Variants in GLIPR2 observed in about 807,000 individuals in gnomAD.
GLIPR2 encodes the protein Golgi-associated plant pathogenesis-related protein 1.
A neutral mutation model predicts 20.4 loss-of-function variants in GLIPR2; 21 were observed. The observed-to-expected ratio is 1.03, with a 90% CI of 0.73 to 1.48. The LOEUF is 1.48. Ranked by LOEUF, GLIPR2 falls within the 40% of genes most tolerant of loss-of-function variation. The pLI is 0.00. For synonymous variants in GLIPR2, 91 were observed against 80.5 expected (o/e 1.13, Z -0.70); for missense variants, 205 against 200.1 (o/e 1.02, Z -0.15).
At chr9:36,140,298 C>T (rs1031099117) in intron 1 of GLIPR2, among the ~76,000 whole-genome samples, 2 of 152,166 alleles carry the variant, frequency 1.3e-5, no homozygotes, top group African/African-American at 4.8e-5. Context: ...TAGGGACCAA[C>T]GAGCCCAGGA....
rs1213480785 is a variant in GLIPR2, at chr9:36,136,917, CG to C, written c.13+127del. ...GGGAGCCCGGGGTGCGGGTGGAGGG[CG>C]CGCGGGCGGAGCGCCCCGGCGCGGT... On this transcript the variant is annotated intron_variant, in intron 1 of 4. Coordinates refer to ENST00000377960, the MANE Select transcript of GLIPR2 (RefSeq NM_022343.4). The surrounding 1 kb of genome is among the most constrained non-coding windows in gnomAD (Gnocchi z 4.3). 5.3e-6 allele frequency: 6 copies of C among 1,123,806 alleles called. No individual in the cohort carries two copies. The African/African-American group carries it at 9.7e-5, about 18-fold the overall frequency. 69.6% of individuals were successfully genotyped at this position (1,123,806 alleles called of 1,614,324 possible).
At chr9:36,147,441 C>T (rs989696103) in intron 1 of GLIPR2, among the ~76,000 whole-genome samples, 2 of 152,250 alleles carry the variant, frequency 1.3e-5, no homozygotes, top group East Asian at 3.9e-4. Flanking sequence ...GCATCCTCCA[C>T]TCAGCAGCCA....
chr9:36,142,478 GATC>G (rs1400211747), intron 1 of GLIPR2, among the ~76,000 whole-genome samples: 3 of 152,302 alleles, frequency 2.0e-5, no homozygotes, highest in African/African-American at 7.2e-5. Flanking sequence ...CGAGAAATAA[GATC>G]ATGCGTAGGC....
At chr9:36,150,343 A>C (rs1051225573) in intron 3 of GLIPR2, among the ~76,000 whole-genome samples, 1 of 152,164 alleles carries the variant, frequency 6.6e-6, no homozygotes, top group African/African-American at 2.4e-5. Context: ...ACGCCTGCCC[A>C]TATCAACACG....
chr9:36,160,368 C>T (rs1826004279), intron 4 of GLIPR2, among the ~76,000 whole-genome samples: 1 of 152,174 alleles, frequency 6.6e-6, no homozygotes, highest in Non-Finnish European at 1.5e-5. Flanking sequence ...CGGCATGTGC[C>T]TGTGGTCCCA....
At chr9:36,137,829 A>T (rs1382732784) in intron 1 of GLIPR2, among the ~76,000 whole-genome samples, 1 of 152,240 alleles carries the variant, frequency 6.6e-6, no homozygotes, top group African/African-American at 2.4e-5. Flanking sequence ...GGTCCCTTCT[A>T]GGATCTGTCC....
chr9:36,141,322 G>A (rs971122569), intron 1 of GLIPR2, among the ~76,000 whole-genome samples: 1 of 152,112 alleles, frequency 6.6e-6, no homozygotes, highest in South Asian at 2.1e-4. Flanking sequence ...TAAAGAGCAG[G>A]AGTTACCCAG....
intron 1 of GLIPR2, chr9:36,144,923 G>A (rs1031931939): frequency 6.6e-6 from 1 of 152,218 alleles, no homozygotes; most frequent in Non-Finnish European, 1.5e-5. Flanking sequence ...CATGGGATTT[G>A]ACTTGGCCCA....
intron 3 of GLIPR2, 88 bp downstream of exon 3, chr9:36,148,738 C>T (rs563152083): frequency 2.2e-4 from 186 of 829,544 alleles, no homozygotes; most frequent in Middle Eastern, 6.8e-4. Context: ...CCAGCACCCT[C>T]GTGGTGTAGC....
intron 4 of GLIPR2, among the ~76,000 whole-genome samples, chr9:36,161,344 G>A (rs1456664077): frequency 1.3e-5 from 2 of 152,120 alleles, no homozygotes; most frequent in Non-Finnish European, 2.9e-5. Context: ...ACAAAAACTG[G>A]GAGTGAGGTT....
intron 4 of GLIPR2, among the ~76,000 whole-genome samples, chr9:36,153,431 C>A (rs528100605): frequency 6.6e-6 from 1 of 152,298 alleles, no homozygotes; most frequent in South Asian, 2.1e-4. Context: ...AGAGCCTGAT[C>A]CTAAGACAGG....
chr9:36,137,640 C>A (rs1283476906), intron 1 of GLIPR2, among the ~76,000 whole-genome samples: 1 of 152,188 alleles, frequency 6.6e-6, no homozygotes, highest in Non-Finnish European at 1.5e-5. Context: ...CTGTAGTGGG[C>A]CGGGGACAAG....
intron 4 of GLIPR2, among the ~76,000 whole-genome samples, chr9:36,156,412 A>AG (rs1825836548): frequency 7.2e-6 from 1 of 139,214 alleles, no homozygotes; most frequent in African/African-American, 2.7e-5. Flanking sequence ...AAAAAAAAAA[A>AG]GAAATTGTAG....
At chr9:36,143,147 G>A (rs1825161929) in intron 1 of GLIPR2, among the ~76,000 whole-genome samples, 1 of 152,082 alleles carries the variant, frequency 6.6e-6, no homozygotes, top group Non-Finnish European at 1.5e-5. Context: ...CCTCTCTGCC[G>A]AGGAGACTTG....
intron 4 of GLIPR2, among the ~76,000 whole-genome samples, chr9:36,156,949 A>G (rs1242107282): frequency 6.6e-6 from 1 of 152,202 alleles, no homozygotes; most frequent in Non-Finnish European, 1.5e-5. Context: ...TTCACTTAGC[A>G]TCATGTTTTC....
intron 4 of GLIPR2, among the ~76,000 whole-genome samples, chr9:36,159,678 G>A (rs1825977276): frequency 6.6e-6 from 1 of 152,070 alleles, no homozygotes; most frequent in South Asian, 2.1e-4. Context: ...ATAAAAGGGT[G>A]TTTACAGGCT....
chr9:36,145,284 T>G (rs1825273843), intron 1 of GLIPR2, among the ~76,000 whole-genome samples: 1 of 152,260 alleles, frequency 6.6e-6, no homozygotes, highest in South Asian at 2.1e-4. Context: ...TAGCCCCTGT[T>G]CAGATATTTC....
intron 1 of GLIPR2, among the ~76,000 whole-genome samples, chr9:36,141,095 G>A (rs906706230): frequency 6.6e-6 from 1 of 152,198 alleles, no homozygotes; most frequent in Non-Finnish European, 1.5e-5. Context: ...ATTACAGTTG[G>A]CATTTAATAC....
At chr9:36,140,016 T>C (rs868545501) in intron 1 of GLIPR2, among the ~76,000 whole-genome samples, 26 of 152,184 alleles carry the variant, frequency 1.7e-4, no homozygotes, top group African/African-American at 5.1e-4. Flanking sequence ...GCAGTTATTA[T>C]CAACTCATTC....
Sources: allele counts gnomAD v4.1 joint callset (sites outside exome capture counted in the v4.1 genomes callset), GRCh38; gene constraint gnomAD v4.1.1; non-coding constraint Gnocchi (gnomAD v3.1); transcripts MANE v1.5; gene names NCBI Gene and HGNC (gene_info 2026-07-23, HGNC 2026-07-21).